The following NBAS variants were observed in gnomAD, a reference collection of about 807,000 sequenced individuals.
The protein encoded by NBAS is NAG/BC035112 fusion.
NBAS carries 219 observed loss-of-function variants against 302.5 expected under a neutral mutation model. The observed-to-expected ratio is 0.72, with a 90% CI of 0.65 to 0.81. The LOEUF (loss-of-function observed/expected upper bound fraction) is 0.81, where lower values mean the gene tolerates loss of function less well. Among genes scored for constraint, NBAS ranks in the 30% least tolerant of loss-of-function variants. NBAS has a pLI of 0.00. For synonymous variants in NBAS, 1,118 were observed against 1,021.6 expected (o/e 1.09, Z -1.80); for missense variants, 2,932 against 2,841.6 (o/e 1.03, Z -0.72).
chr2:15,277,535 G>GA (rs1669641224), intron 42 of NBAS, among the ~76,000 whole-genome samples: 1 of 152,058 alleles, frequency 6.6e-6, no homozygotes, highest in South Asian at 2.1e-4. Flanking sequence ...AAATGATACA[G>GA]AAAAAACCCT....
chr2:14,860,642 A>G, the NBAS span, among the ~76,000 whole-genome samples: 1 of 152,160 alleles, frequency 6.6e-6, no homozygotes, highest in East Asian at 1.9e-4. Context: ...GAATCTCATG[A>G]AGATAGAGAT....
In NBAS at chr2:15,353,425, A is replaced by T. The variant is rs139464976; in HGVS notation, c.4089+128T>A. ...TTTTCATGTCCCTTTTCCATAAGTGACAATCTAGTTTTCTTCCATAAATTA... is the reference window on the plus strand; with the variant it reads ...TTTTCATGTCCCTTTTCCATAAGTGTCAATCTAGTTTTCTTCCATAAATTA... On this transcript the variant is annotated intron_variant, in intron 34 of 51. Transcript: ENST00000281513. 7.5e-5 allele frequency: 87 copies of T among 1,154,848 alleles called. No homozygotes were observed. In the East Asian group the frequency reaches 1.6e-3, roughly 22 times the overall value. 71.5% of individuals were successfully genotyped at this position (1,154,848 alleles called of 1,614,324 possible). A position where few individuals can be genotyped will look rare whatever the true frequency, so the allele number is the denominator to read the frequency against.
the NBAS span, among the ~76,000 whole-genome samples, chr2:15,076,757 C>G: frequency 7.3e-6 from 1 of 137,664 alleles, no homozygotes; most frequent in South Asian, 2.4e-4. Context: ...TCAAGGCCAA[C>G]AGCTGTGCAG....
chr2:15,261,652 A>G (rs1271361138), intron 44 of NBAS, among the ~76,000 whole-genome samples: 1 of 152,210 alleles, frequency 6.6e-6, no homozygotes, highest in African/African-American at 2.4e-5. Flanking sequence ...CAGCAATGAT[A>G]CAAGCTAATA....
At chr2:14,894,247 G>A in the NBAS span, among the ~76,000 whole-genome samples, 14 of 152,274 alleles carry the variant, frequency 9.2e-5, no homozygotes, top group East Asian at 2.7e-3. Flanking sequence ...GTGAGATCCA[G>A]AAAACAGGGG....
intron 21 of NBAS, among the ~76,000 whole-genome samples, chr2:15,439,869 C>G (rs547059211): frequency 1.3e-5 from 2 of 152,226 alleles, no homozygotes; most frequent in African/African-American, 4.8e-5. Flanking sequence ...GCACCTGGCT[C>G]GGAGGGTCCT....
At chr2:15,293,066 C>T (rs1307018423) in intron 40 of NBAS, among the ~76,000 whole-genome samples, 4 of 152,186 alleles carry the variant, frequency 2.6e-5, no homozygotes, top group Non-Finnish European at 4.4e-5. Flanking sequence ...CTTGCTCTTT[C>T]AACTATTATA....
chr2:15,516,763 C>CA (rs1662412116), intron 9 of NBAS, among the ~76,000 whole-genome samples: 1 of 147,540 alleles, frequency 6.8e-6, no homozygotes, highest in South Asian at 2.2e-4. Context: ...AAGTTATTTA[C>CA]AACACACAGA....
At chr2:14,785,341 A>G in the NBAS span, among the ~76,000 whole-genome samples, 1 of 152,148 alleles carries the variant, frequency 6.6e-6, no homozygotes, top group Non-Finnish European at 1.5e-5. Flanking sequence ...CCCTGGCCAG[A>G]ACTTCCAACA....
At chr2:14,820,992 C>T in the NBAS span, among the ~76,000 whole-genome samples, 1 of 151,646 alleles carries the variant, frequency 6.6e-6, no homozygotes, top group Non-Finnish European at 1.5e-5. Context: ...TGCAGTGGCG[C>T]GATCTTGGCT....
the NBAS span, among the ~76,000 whole-genome samples, chr2:15,097,620 C>T: frequency 6.6e-6 from 1 of 151,728 alleles, no homozygotes; most frequent in Non-Finnish European, 1.5e-5. Flanking sequence ...CTCACTGTGT[C>T]CTCAGGTGGT....
chr2:15,160,585 CGGGGGGAG>C, the NBAS span, among the ~76,000 whole-genome samples: 5 of 92,290 alleles, frequency 5.4e-5, no homozygotes, highest in Non-Finnish European at 8.7e-5. Context: ...CCAGTGTGGG[CGGGGGGAG>C]GGGGGGGGGC....
At chr2:15,180,449 T>C (rs1664766721) in intron 50 of NBAS, 1 of 152,196 alleles carries the variant, frequency 6.6e-6, no homozygotes. Flanking sequence ...TCACCAAGCA[T>C]CTGGGGCAAA....
chr2:15,333,958 C>T lies in NBAS; in HGVS notation c.4180-3193G>A, dbSNP rs548948414. Among the ~76,000 whole-genome samples, 3 of 151,986 alleles carry T rather than the reference C, an allele frequency of 2.0e-5. No individual in the cohort carries two copies. In the South Asian group the frequency reaches 6.2e-4, roughly 32 times the overall value. On this transcript the variant is annotated intron_variant, in intron 35 of 51. Transcript: ENST00000281513. ...ATTTACCAGCAGTAAAGTCCAGCAT[C>T]TTATTTATAATATATAAGAAACATA...
the NBAS span, among the ~76,000 whole-genome samples, chr2:15,147,696 GC>G: frequency 6.6e-6 from 1 of 152,040 alleles, no homozygotes; most frequent in Non-Finnish European, 1.5e-5. Context: ...TAAGGCAATT[GC>G]CCCCTTTCTG....
chr2:15,352,800 T>C (rs966734641), intron 34 of NBAS, among the ~76,000 whole-genome samples: 7 of 152,180 alleles, frequency 4.6e-5, no homozygotes, highest in African/African-American at 1.7e-4. Flanking sequence ...GGCCAACACC[T>C]GAGATCTTAT....
chr2:15,067,610 A>G, the NBAS span, among the ~76,000 whole-genome samples: 4 of 152,110 alleles, frequency 2.6e-5, no homozygotes, highest in African/African-American at 9.7e-5. Context: ...TTCCACTTAT[A>G]TAAAGTATCT....
chr2:14,907,702 T>G, the NBAS span: 3 of 152,268 alleles, frequency 2.0e-5, no homozygotes, highest in African/African-American at 7.2e-5. Context: ...AATAATCACA[T>G]TCTGGCTTTC....
the NBAS span, among the ~76,000 whole-genome samples, chr2:15,066,979 T>A: frequency 1.3e-5 from 2 of 151,704 alleles, no homozygotes; most frequent in African/African-American, 2.4e-5. Context: ...GATCAACCAA[T>A]AAAGAAAATG....
Sources: gnomAD v4.1 joint callset for allele counts (sites outside exome capture counted in the v4.1 genomes callset) on GRCh38, gnomAD v4.1.1 for gene constraint, MANE v1.5 for transcripts, NCBI Gene and HGNC (gene_info 2026-07-23, HGNC 2026-07-21) for gene names.